Variants in LYST observed in about 807,000 individuals in gnomAD.
LYST encodes lysosomal trafficking regulator, also known as lysosomal-trafficking regulator.
In LYST, 192 loss-of-function variants were observed where a neutral mutation model predicts 413.6. That is an observed-to-expected ratio of 0.46 (90% CI 0.41 to 0.52). The LOEUF (loss-of-function observed/expected upper bound fraction) is 0.52. Among genes scored for constraint, LYST ranks in the 20% least tolerant of loss-of-function variants. LYST has a pLI of 0.00. For missense variants in LYST, 3,815 were observed against 4,499.9 expected, an observed-to-expected ratio of 0.85 and a Z score of 4.35; for synonymous variants, 1,525 against 1,567.3, an observed-to-expected ratio of 0.97 and a Z score of 0.64.
At chr1:235,805,563 A>G (rs188844231) in intron 6 of LYST, among the ~76,000 whole-genome samples, 180 bp downstream of exon 6, 195 of 150,892 alleles carry the variant, frequency 1.3e-3, no homozygotes, top group African/African-American at 4.4e-3. Flanking sequence ...ATGTGTATAT[A>G]TACATAAAAC....
Position 235,805,732 on chromosome 1 carries a change from C to A in LYST, c.3393+11G>T. Reference sequence around the variant, plus strand: ...TATTACATAAGAGTTGGACTAAGGACAAGGTATTACCTGATTAGGTAACTC... The same window carrying A: ...TATTACATAAGAGTTGGACTAAGGAAAAGGTATTACCTGATTAGGTAACTC... On this transcript the variant is annotated intron_variant, in intron 6 of 52. Coordinates refer to ENST00000389793, the MANE Select transcript of LYST (RefSeq NM_000081.4). The A allele has an allele frequency of 1.9e-6, 3 of 1,597,426 alleles. No homozygotes were observed. Among genetic ancestry groups the A allele is most frequent in the Non-Finnish European group, 2.6e-6 (3 of 1,166,090 alleles).
At chr1:235,755,386 C>G in intron 25 of LYST, 92 bp downstream of exon 25, 2 of 720,814 alleles carry the variant, frequency 2.8e-6, no homozygotes, top group Non-Finnish European at 4.0e-6. Flanking sequence ...GAGACTCCGT[C>G]TCAAAAGAAA....
intron 31 of LYST, chr1:235,737,916 A>AG: frequency 8.6e-7 from 1 of 1,163,406 alleles, no homozygotes; most frequent in East Asian, 4.2e-5. Flanking sequence ...GCTGCCGACG[A>AG]GTCTGGATCT....
chr1:235,700,384 A>T (rs576828905), intron 45 of LYST, among the ~76,000 whole-genome samples: 8 of 152,354 alleles, frequency 5.3e-5, no homozygotes, highest in African/African-American at 1.9e-4. Flanking sequence ...CAAATTTACA[A>T]GAAAAAAACA....
rs763933686 is a variant in LYST at position 235,830,219 on chromosome 1, A to G, written c.192+7T>C. 1.0e-5 allele frequency: 16 copies of G among 1,595,492 alleles called. No homozygotes were observed. The highest frequency in any genetic ancestry group is 1.7e-5 in the Admixed American group (1 of 60,000). On this transcript the variant is annotated splice_region_variant and intron_variant, in intron 3 of 52. Coordinates refer to ENST00000389793, the MANE Select transcript of LYST (RefSeq NM_000081.4). The stretch of plus-strand genomic sequence containing the variant: ...ATGAAAGTAAGTATTTGATATAAAA[A>G]TGTTACCTGATCAATTATAGAATTT...
rs912444962 is a variant in LYST, at chr1:235,709,244, C to T, written c.9990G>A (p.Ala3330=). 9.9e-6 allele frequency: 16 copies of T among 1,613,990 alleles called. No individual in the cohort carries two copies. Among genetic ancestry groups the T allele is most frequent in the East Asian group, 6.7e-5 (3 of 44,890 alleles). ...GGATAAAAAGACGAGGATCATTACG[C>T]GCCCAAGGGGGAAGGTTGACGTGAT... ...RVNHVNLPPW[A]RNDPRLFILI... Residue 3330 remains alanine (A), a synonymous_variant, in exon 44 of 53, where the codon GCG becomes GCA. Coordinates refer to ENST00000389793, the MANE Select transcript of LYST (RefSeq NM_000081.4).
chr1:235,861,947 C>A (rs374564733), intron 1 of LYST, among the ~76,000 whole-genome samples: 1 of 152,200 alleles, frequency 6.6e-6, no homozygotes. Flanking sequence ...CTAATCCCTG[C>A]ATATTACTAA....
At chr1:235,692,189 C>G (rs1660712908) in intron 47 of LYST, among the ~76,000 whole-genome samples, 1 of 151,232 alleles carries the variant, frequency 6.6e-6, no homozygotes, top group Non-Finnish European at 1.5e-5. Flanking sequence ...AAAAATTAGC[C>G]AAGTGTGGTG....
chr1:235,713,128 T>C, intron 42 of LYST: 2 of 985,322 alleles, frequency 2.0e-6, no homozygotes, highest in Non-Finnish European at 1.2e-6. Flanking sequence ...TATTACTTTC[T>C]CATCTATTCT....
chr1:235,712,809 CA>C, intron 42 of LYST: 1 of 984,590 alleles, frequency 1.0e-6, no homozygotes, highest in African/African-American at 1.7e-5. Context: ...CTCTTTCGTT[CA>C]TTTTTTTTCC....
chr1:235,723,239 G>T (rs1260578546), intron 39 of LYST, among the ~76,000 whole-genome samples: 1 of 152,222 alleles, frequency 6.6e-6, no homozygotes, highest in Non-Finnish European at 1.5e-5. Flanking sequence ...TTACGTTTGA[G>T]ATGTCAATTA....
At chr1:235,793,357 C>A (rs1433449558) in intron 11 of LYST, 146 bp downstream of exon 11, 3 of 509,456 alleles carry the variant, frequency 5.9e-6, no homozygotes, top group African/African-American at 3.9e-5. Flanking sequence ...GTATTTCACA[C>A]ATAATAACAT....
intron 1 of LYST, among the ~76,000 whole-genome samples, chr1:235,876,512 T>C (rs914918234): frequency 5.9e-5 from 9 of 152,214 alleles, no homozygotes; most frequent in Non-Finnish European, 1.2e-4. Flanking sequence ...CAGAAGAATA[T>C]AAATAGTTGA....
At chr1:235,749,900 C>T (rs1209190447) in intron 28 of LYST, among the ~76,000 whole-genome samples, 1 of 152,048 alleles carries the variant, frequency 6.6e-6, no homozygotes, top group Non-Finnish European at 1.5e-5. Context: ...TGGGAAATAG[C>T]AAGAGGACTA....
At chr1:235,742,250 T>C (rs1199105801) in intron 30 of LYST, among the ~76,000 whole-genome samples, 1 of 151,344 alleles carries the variant, frequency 6.6e-6, no homozygotes, top group East Asian at 1.9e-4. Context: ...AGGTCAGGAG[T>C]TCAAGACCAA....
intron 3 of LYST, among the ~76,000 whole-genome samples, chr1:235,821,567 G>A (rs1262409044): frequency 6.6e-6 from 1 of 152,142 alleles, no homozygotes; most frequent in African/African-American, 2.4e-5. Flanking sequence ...ATAGTTATAT[G>A]TACTGTTTTT....
At chr1:235,699,550 T>A (rs1661383940) in intron 45 of LYST, among the ~76,000 whole-genome samples, 1 of 152,186 alleles carries the variant, frequency 6.6e-6, no homozygotes. Flanking sequence ...CGAGTGCATG[T>A]GTCTTTAGAG....
chr1:235,781,980 T>C lies in LYST; in HGVS notation c.4970A>G (p.Glu1657Gly). The C allele has an allele frequency of 4.3e-6, 7 of 1,613,908 alleles. No individual in the cohort carries two copies. The highest frequency in any genetic ancestry group is 5.1e-6 in the Non-Finnish European group (6 of 1,179,878). ...CCATTTTCCAGCCAACTGCAAAAAC[T>C]CTTCTTGGGATGATAAACAATGGCC... ...MIGHCLSSQEEFLQLAGKWDL... is the reference protein window; with the variant it reads ...MIGHCLSSQEGFLQLAGKWDL... Residue 1657 changes from glutamate (E) to glycine (G), a missense_variant, in exon 15 of 53, where the codon GAG becomes GGG. Physicochemically the swap from Glu to Gly is moderately conservative, Grantham distance 98. Coordinates refer to ENST00000389793, the MANE Select transcript of LYST (RefSeq NM_000081.4).
At chr1:235,769,415 G>T (rs541428219) in intron 20 of LYST, among the ~76,000 whole-genome samples, 1 of 152,090 alleles carries the variant, frequency 6.6e-6, no homozygotes, top group African/African-American at 2.4e-5. Flanking sequence ...CACAGATTTT[G>T]AATTTTAGCC....
Sources: gnomAD v4.1 joint callset for allele counts (sites outside exome capture counted in the v4.1 genomes callset) on GRCh38, gnomAD v4.1.1 for gene constraint, MANE v1.5 for transcripts, NCBI Gene and HGNC (gene_info 2026-07-23, HGNC 2026-07-21) for gene names.